ARB2A: variants seen among roughly 807,000 people sequenced by gnomAD.
ARB2A encodes ARB2 cotranscriptional regulator A.
At chr5:93,843,842 A>T in the ARB2A span, among the ~76,000 whole-genome samples, 1 of 152,142 alleles carries the variant, frequency 6.6e-6, no homozygotes, top group African/African-American at 2.4e-5. Context: ...TCATCCAAAA[A>T]GCAAAGTTGT....
the ARB2A span, among the ~76,000 whole-genome samples, chr5:94,036,332 T>G: frequency 6.6e-6 from 1 of 152,220 alleles, no homozygotes; most frequent in Admixed American, 6.5e-5. Context: ...ACATTCCCCA[T>G]AGATAAATGT....
At chr5:93,857,691 C>T in the ARB2A span, among the ~76,000 whole-genome samples, 7 of 152,184 alleles carry the variant, frequency 4.6e-5, no homozygotes, top group Non-Finnish European at 7.3e-5. Flanking sequence ...CATCTCTCAC[C>T]CCTTTCTTTG....
At chr5:93,768,286 A>C in the ARB2A span, among the ~76,000 whole-genome samples, 1 of 151,480 alleles carries the variant, frequency 6.6e-6, no homozygotes, top group African/African-American at 2.4e-5. Context: ...AAACCTCACT[A>C]ATCACCACTA....
chr5:93,724,661 G>A, the ARB2A span, among the ~76,000 whole-genome samples: 3 of 151,924 alleles, frequency 2.0e-5, no homozygotes, highest in Non-Finnish European at 4.4e-5. Context: ...TAGTCACTAG[G>A]TGATACAGTA....
At chr5:93,749,943 C>T in the ARB2A span, among the ~76,000 whole-genome samples, 6 of 152,120 alleles carry the variant, frequency 3.9e-5, no homozygotes, top group Non-Finnish European at 5.9e-5. Context: ...CTCCCAACCC[C>T]ACCACCCATT....
At chr5:93,668,099 C>G in the ARB2A span, among the ~76,000 whole-genome samples, 2 of 152,054 alleles carry the variant, frequency 1.3e-5, no homozygotes, top group African/African-American at 4.8e-5. Context: ...GTTCTTAAAG[C>G]TTTTAAAAAA....
At chr5:93,803,283 T>C in the ARB2A span, among the ~76,000 whole-genome samples, 3 of 152,010 alleles carry the variant, frequency 2.0e-5, no homozygotes, top group African/African-American at 4.8e-5. Flanking sequence ...AGTTGTTATG[T>C]TCTTTCATGT....
At chr5:93,835,421 A>G in the ARB2A span, among the ~76,000 whole-genome samples, 1 of 152,258 alleles carries the variant, frequency 6.6e-6, no homozygotes, top group African/African-American at 2.4e-5. Context: ...TTCTTCAGCT[A>G]ACCTGTTGCT....
chr5:93,881,475 T>C, the ARB2A span: 3 of 1,608,478 alleles, frequency 1.9e-6, no homozygotes, highest in Non-Finnish European at 2.6e-6. Flanking sequence ...CTCACTCTGA[T>C]ATACAATTGC....
chr5:93,762,481 C>T, the ARB2A span, among the ~76,000 whole-genome samples: 2 of 152,022 alleles, frequency 1.3e-5, no homozygotes, highest in Non-Finnish European at 2.9e-5. Context: ...TGAAATGAAG[C>T]AAGAAGAGAA....
At chr5:93,886,078 C>T in the ARB2A span, among the ~76,000 whole-genome samples, 5 of 151,746 alleles carry the variant, frequency 3.3e-5, no homozygotes, top group South Asian at 1.0e-3. Context: ...TTAAAATGCA[C>T]GACCAAAACC....
chr5:93,652,657 T>G, the ARB2A span, among the ~76,000 whole-genome samples: 1 of 152,222 alleles, frequency 6.6e-6, no homozygotes, highest in Non-Finnish European at 1.5e-5. Context: ...TTCCTAAAGT[T>G]TATTCCATGG....
chr5:93,682,162 T>C, the ARB2A span, among the ~76,000 whole-genome samples: 2 of 151,840 alleles, frequency 1.3e-5, no homozygotes, highest in Non-Finnish European at 2.9e-5. Flanking sequence ...TCTAAAATAT[T>C]ACCTGTTATA....
At chr5:93,620,998 C>T in the ARB2A span, 1 of 1,610,838 alleles carries the variant, frequency 6.2e-7, no homozygotes, top group East Asian at 2.2e-5. Context: ...TACAGCTCTT[C>T]GTGCTTGATG....
At chr5:94,016,743 GA>G in the ARB2A span, among the ~76,000 whole-genome samples, 1 of 152,180 alleles carries the variant, frequency 6.6e-6, no homozygotes, top group Admixed American at 6.5e-5. Context: ...AATGGTTCTA[GA>G]AGCCATATCA....
the ARB2A span, among the ~76,000 whole-genome samples, chr5:93,893,262 C>T: frequency 6.6e-5 from 10 of 152,082 alleles, no homozygotes; most frequent in Admixed American, 2.0e-4. Flanking sequence ...CAATGGGGAG[C>T]GGCCTCCTCA....
chr5:94,003,148 C>G, the ARB2A span, among the ~76,000 whole-genome samples: 1 of 152,064 alleles, frequency 6.6e-6, no homozygotes, highest in Admixed American at 6.6e-5. Context: ...ACTTCAAAAG[C>G]AGAAAATAAA....
the ARB2A span, among the ~76,000 whole-genome samples, chr5:94,077,833 T>C: frequency 6.6e-6 from 1 of 152,202 alleles, no homozygotes; most frequent in Non-Finnish European, 1.5e-5. Flanking sequence ...TAGAAATGGT[T>C]ACAGTACAAA....
chr5:93,817,981 T>C, the ARB2A span, among the ~76,000 whole-genome samples: 3 of 151,774 alleles, frequency 2.0e-5, no homozygotes, highest in African/African-American at 7.3e-5. Context: ...TAAAGACCTA[T>C]GAAAAATCAA....
Sources: gnomAD v4.1 joint callset for allele counts (sites outside exome capture counted in the v4.1 genomes callset) on GRCh38, gnomAD v4.1.1 for gene constraint, MANE v1.5 for transcripts, NCBI Gene and HGNC (gene_info 2026-07-23, HGNC 2026-07-21) for gene names.